Variants in CHD9 observed in about 807,000 individuals in gnomAD.
CHD9 encodes the protein chromodomain helicase DNA binding protein 9.
A neutral mutation model predicts 316.1 loss-of-function variants in CHD9; 77 were observed. The observed-to-expected ratio is 0.24, with a 90% CI of 0.20 to 0.29. The LOEUF is 0.29. Among genes scored for constraint, CHD9 ranks in the 10% least tolerant of loss-of-function variants. CHD9 has a pLI of 1.00. For synonymous variants in CHD9, 1,129 were observed against 1,158.3 expected, an observed-to-expected ratio of 0.97 and a Z score of 0.51; for missense variants, 2,763 against 3,438.1, an observed-to-expected ratio of 0.80 and a Z score of 4.91.
chr16:53,106,627 A>G (rs936465030), intron 1 of CHD9, among the ~76,000 whole-genome samples: 4 of 150,604 alleles, frequency 2.7e-5, no homozygotes, highest in African/African-American at 9.9e-5. Context: ...TAATCTAGTT[A>G]AAGATGCAAC....
chr16:53,275,561 A>G (rs1358151203), intron 24 of CHD9, among the ~76,000 whole-genome samples: 3 of 152,114 alleles, frequency 2.0e-5, no homozygotes, highest in Non-Finnish European at 4.4e-5. Context: ...AGAATTTTCT[A>G]TTTCTAGTTT....
At chr16:53,093,208 C>T (rs2036099513) in intron 1 of CHD9, among the ~76,000 whole-genome samples, 1 of 152,354 alleles carries the variant, frequency 6.6e-6, no homozygotes, top group South Asian at 2.1e-4. Flanking sequence ...CTCTCTGAAT[C>T]TGCAAATTCA....
intron 24 of CHD9, among the ~76,000 whole-genome samples, chr16:53,280,282 T>G (rs550063744): frequency 5.9e-5 from 9 of 152,080 alleles, no homozygotes; most frequent in Non-Finnish European, 1.2e-4. Context: ...CAAATGCCCA[T>G]CAATCAACGA....
intron 2 of CHD9, among the ~76,000 whole-genome samples, chr16:53,167,726 A>C (rs1221155650): frequency 6.8e-6 from 1 of 147,534 alleles, no homozygotes; most frequent in African/African-American, 2.4e-5. Context: ...TAGCTATCTA[A>C]GGTCCAATTG....
intron 1 of CHD9, among the ~76,000 whole-genome samples, chr16:53,077,827 A>G: frequency 6.6e-6 from 1 of 152,148 alleles, no homozygotes; most frequent in Non-Finnish European, 1.5e-5. Flanking sequence ...TAATTCTAAC[A>G]CTTTGGGAGG....
intron 3 of CHD9, among the ~76,000 whole-genome samples, chr16:53,218,613 T>A (rs1368384702): frequency 6.6e-6 from 1 of 152,182 alleles, no homozygotes; most frequent in African/African-American, 2.4e-5. Flanking sequence ...TTTAAAAAAA[T>A]TTAAATATCT....
In CHD9 at chr16:53,231,670, A is replaced by G. The variant is rs896685976; in HGVS notation, c.2397A>G (p.Lys799=). 5 of 1,596,524 alleles carry G rather than the reference A, an allele frequency of 3.1e-6. No homozygotes were observed. Among genetic ancestry groups the G allele is most frequent in the East Asian group, 2.2e-5 (1 of 44,712 alleles). The part of the protein sequence containing the change: ...TGEPVIYYLV[K]WCSLPYEDST... ...AGCCTGTTATTTACTACTTAGTAAAATGGTGCTCATTGCCATATGAAGATA... is the reference window on the plus strand; with the variant it reads ...AGCCTGTTATTTACTACTTAGTAAAGTGGTGCTCATTGCCATATGAAGATA... Residue 799 remains lysine, a synonymous_variant, in exon 10 of 39, where the codon AAA becomes AAG. Coordinates refer to ENST00000447540, the MANE Select transcript of CHD9 (RefSeq NM_001308319.2).
intron 17 of CHD9, among the ~76,000 whole-genome samples, chr16:53,253,228 A>ATG (rs749371684): frequency 7.1e-6 from 1 of 140,376 alleles, no homozygotes; most frequent in Non-Finnish European, 1.6e-5. Context: ...ATGTGTGTGT[A>ATG]TATATATATA....
intron 34 of CHD9, among the ~76,000 whole-genome samples, chr16:53,309,475 AG>A (rs1467815611): frequency 1.3e-5 from 2 of 152,200 alleles, no homozygotes; most frequent in Non-Finnish European, 2.9e-5. Flanking sequence ...GCATTTTGAA[AG>A]CAATTATCAG....
At chr16:53,301,769 T>TC (rs1194405480) in intron 30 of CHD9, among the ~76,000 whole-genome samples, 2 of 70,004 alleles carry the variant, frequency 2.9e-5, no homozygotes, top group African/African-American at 1.1e-4. Context: ...TTTTTTTTCT[T>TC]TTTTTTTTTT....
chr16:53,308,601 T>C, intron 33 of CHD9, 85 bp from the exon 34 acceptor site: 1 of 897,694 alleles, frequency 1.1e-6, no homozygotes, highest in South Asian at 1.5e-5. Context: ...TTCATTTTTT[T>C]TCCTCAGTAA....
At chr16:53,065,607 C>T (rs1189093202) in intron 1 of CHD9, among the ~76,000 whole-genome samples, 1 of 128,226 alleles carries the variant, frequency 7.8e-6, no homozygotes, top group Non-Finnish European at 1.6e-5. Context: ...GCACTCCAGC[C>T]TGGGAAACAA....
At chr16:53,134,040 A>T (rs1369755047) in intron 1 of CHD9, among the ~76,000 whole-genome samples, 1 of 152,204 alleles carries the variant, frequency 6.6e-6, no homozygotes, top group Non-Finnish European at 1.5e-5. Context: ...ATGTCATAGA[A>T]AAAAAAGCTT....
Position 53,304,381 on chromosome 16 carries a change from A to T in CHD9, c.6375A>T (p.Lys2125Asn). The T allele has an allele frequency of 6.2e-7, 1 of 1,613,180 alleles. No individual in the cohort carries two copies. Among genetic ancestry groups the T allele is most frequent in the African/African-American group, 1.3e-5 (1 of 75,034 alleles). ...CTTCTAAGAAACCAAGAGTCCACAA[A>T]AGGGGATCAGAATCTAGTTCTGATT... ...NPASKKPRVH[K>N]RGSESSSDSD... Residue 2125 changes from lysine (K) to asparagine (N), a missense_variant, in exon 31 of 39, where the codon AAA (lysine) becomes AAT (asparagine). Lys to Asn is a moderately conservative substitution (Grantham distance 94). Around this residue, in one of 15 missense-constraint regions of CHD9, gnomAD observed 663 missense variants for 751.2 expected, o/e 0.88. Transcript: ENST00000447540.
intron 34 of CHD9, among the ~76,000 whole-genome samples, chr16:53,309,061 T>C (rs2056238213): frequency 6.6e-6 from 1 of 152,218 alleles, no homozygotes; most frequent in African/African-American, 2.4e-5. Context: ...AGTTTTCATT[T>C]TGGGGCCTAG....
intron 13 of CHD9, among the ~76,000 whole-genome samples, chr16:53,243,262 C>T (rs920155700): frequency 7.9e-5 from 12 of 152,050 alleles, no homozygotes; most frequent in African/African-American, 2.7e-4. Flanking sequence ...AAAATGAGAC[C>T]TCTATAGAGT....
At chr16:53,262,947 T>C (rs751658135) in intron 19 of CHD9, 40 bp from the exon 20 acceptor site, 11 of 1,451,628 alleles carry the variant, frequency 7.6e-6, no homozygotes, top group Non-Finnish European at 1.1e-5. Context: ...AAGTGTACTT[T>C]GATAGATTTT....
At chr16:53,233,991 T>TA (rs1236779675) in intron 10 of CHD9, among the ~76,000 whole-genome samples, 1 of 152,174 alleles carries the variant, frequency 6.6e-6, no homozygotes, top group East Asian at 1.9e-4. Context: ...TCAGGAATCT[T>TA]CAGAAAATTT....
At chr16:53,298,007 C>T (rs1172166509) in intron 30 of CHD9, among the ~76,000 whole-genome samples, 1 of 152,178 alleles carries the variant, frequency 6.6e-6, no homozygotes, top group Non-Finnish European at 1.5e-5. Context: ...AAGAGGCCCT[C>T]ATTTTTTAAA....
Sources: gnomAD v4.1 joint callset for allele counts (sites outside exome capture counted in the v4.1 genomes callset) on GRCh38, gnomAD v4.1.1 for gene constraint, gnomAD v4.1.1 regional missense constraint, MANE v1.5 for transcripts, NCBI Gene and HGNC (gene_info 2026-07-23, HGNC 2026-07-21) for gene names.